Variants in ABCG2 observed in about 807,000 individuals in gnomAD.
The protein encoded by ABCG2 is ATP binding cassette subfamily G member 2 (JR blood group), also known as broad substrate specificity ATP-binding cassette transporter ABCG2.
ABCG2 carries 80 observed loss-of-function variants against 73.5 expected under a neutral mutation model. The observed-to-expected ratio is 1.09, with a 90% CI of 0.91 to 1.31. The LOEUF is 1.31. Ranked by LOEUF, ABCG2 falls within the 50% of genes most tolerant of loss-of-function variation. The pLI, the probability that ABCG2 is intolerant of heterozygous loss-of-function variation, is 0.00. For missense variants in ABCG2, 796 were observed against 786.2 expected, an observed-to-expected ratio of 1.01 and a Z score of -0.15; for synonymous variants, 269 against 282.4, an observed-to-expected ratio of 0.95 and a Z score of 0.48.
chr4:88,164,766 G>A (rs1004583604), intron 1 of ABCG2, among the ~76,000 whole-genome samples: 2 of 152,060 alleles, frequency 1.3e-5, no homozygotes, highest in South Asian at 4.1e-4. Flanking sequence ...GAGGTAAATG[G>A]ATTTTTTGTT....
chr4:88,162,822 T>C (rs887848973), upstream of ABCG2, among the ~76,000 whole-genome samples: 1 of 152,196 alleles, frequency 6.6e-6, no homozygotes, highest in African/African-American at 2.4e-5. Flanking sequence ...GTTAAGTGAC[T>C]CACAGCCTTC....
At chr4:88,118,454 T>A (rs1232908476) in intron 6 of ABCG2, among the ~76,000 whole-genome samples, 194 bp from the exon 7 acceptor site, 1 of 152,236 alleles carries the variant, frequency 6.6e-6, no homozygotes. Context: ...AGAATAGGAA[T>A]TTTCAGTGTG....
chr4:88,120,874 G>C (rs557713664), intron 6 of ABCG2, among the ~76,000 whole-genome samples: 1 of 152,010 alleles, frequency 6.6e-6, no homozygotes, highest in Non-Finnish European at 1.5e-5. Flanking sequence ...TGGGAGGGAG[G>C]GGCCAGGGGC....
In ABCG2 at chr4:88,183,768, A is replaced by C. The variant is rs561055485; in HGVS notation, c.-19-43754T>G. Among the ~76,000 whole-genome samples, 659 of 152,038 alleles carry C rather than the reference A, an allele frequency of 4.3e-3. 4 individuals are homozygous for C. The highest frequency in any genetic ancestry group is 0.015 in the African/African-American group (631 of 41,540). On this transcript the variant is annotated intron_variant, in intron 1 of 15. Transcript: ENST00000515655. ...GACAAAGACACATCAAAAAAAAAAA[A>C]CTACAAGCCAATATCCTTGATGAAT...
intron 1 of ABCG2, among the ~76,000 whole-genome samples, chr4:88,218,375 G>A (rs1349681019): frequency 3.9e-5 from 6 of 152,186 alleles, no homozygotes; most frequent in Non-Finnish European, 5.9e-5. Flanking sequence ...TTCATTCACT[G>A]TTCTATCCCT....
intron 1 of ABCG2, among the ~76,000 whole-genome samples, chr4:88,227,477 T>G (rs1278075774): frequency 6.6e-6 from 1 of 152,208 alleles, no homozygotes; most frequent in African/African-American, 2.4e-5. Context: ...AAATGTATTC[T>G]TTTAAAATAT....
intron 2 of ABCG2, among the ~76,000 whole-genome samples, chr4:88,135,555 C>A (rs1337437149): frequency 7.2e-6 from 1 of 137,960 alleles, no homozygotes; most frequent in African/African-American, 2.6e-5. Context: ...TTCTCAATCA[C>A]CACGCCCGGG....
Position 88,145,115 on chromosome 4 carries a change from G to A in ABCG2, c.-19-5101C>T, listed in dbSNP as rs149077921. Reference sequence around the variant, plus strand: ...TTCCTTTTTTTTTTCCTAGGATGACGCTAGTATATGGAGTTGCACTCTACC... The same window carrying A: ...TTCCTTTTTTTTTTCCTAGGATGACACTAGTATATGGAGTTGCACTCTACC... On this transcript the variant is annotated intron_variant, in intron 1 of 15. Coordinates refer to ENST00000237612, the MANE Select transcript of ABCG2 (RefSeq NM_004827.3). Among the ~76,000 whole-genome samples, 1,268 of 152,006 alleles carry A rather than the reference G, an allele frequency of 8.3e-3. 9 individuals carry two copies. Among genetic ancestry groups the A allele is most frequent in the Admixed American group, 0.015 (223 of 15,264 alleles).
At chr4:88,136,072 T>C (rs1001251236) in intron 2 of ABCG2, among the ~76,000 whole-genome samples, 1 of 152,144 alleles carries the variant, frequency 6.6e-6, no homozygotes, top group African/African-American at 2.4e-5. Flanking sequence ...CCATAGGTTT[T>C]AATCCATATA....
intron 8 of ABCG2, 102 bp downstream of exon 8, chr4:88,114,855 T>A (rs1723417057): frequency 2.9e-6 from 2 of 683,578 alleles, no homozygotes; most frequent in Admixed American, 5.2e-5. Context: ...GAAGACTGCA[T>A]CAACAGAAAT....
Position 88,094,628 on chromosome 4 carries a change from T to C in ABCG2, c.1769A>G (p.Asn590Ser). The change falls in exon 15 of 16, where the codon AAC becomes AGC. Residue 590 changes from asparagine to serine, a missense_variant. Transcript: ENST00000237612. ...ALQHNEFLGQ[N>S]FCPGLNATGN... ...TGTTGCATTGAGTCCTGGGCAGAAG[T>C]TTTGTCCCAAAAATTCATTATGCTG... The C allele has an allele frequency of 6.2e-7, 1 of 1,614,018 alleles. No individual in the cohort carries two copies. Among genetic ancestry groups the C allele is most frequent in the Non-Finnish European group, 8.5e-7 (1 of 1,179,898 alleles).
At chr4:88,102,007 A>C (rs1276548076) in intron 10 of ABCG2, among the ~76,000 whole-genome samples, 1 of 152,254 alleles carries the variant, frequency 6.6e-6, no homozygotes, top group Admixed American at 6.5e-5. Context: ...TCAATTAGCC[A>C]CTTTGATTTT....
At chr4:88,149,925 C>A (rs751260820) in intron 1 of ABCG2, among the ~76,000 whole-genome samples, 2 of 151,954 alleles carry the variant, frequency 1.3e-5, no homozygotes, top group East Asian at 1.9e-4. Context: ...CAGGAGTGAA[C>A]AAAACAAAAC....
intron 1 of ABCG2, among the ~76,000 whole-genome samples, chr4:88,201,287 T>C (rs1186803958): frequency 6.7e-6 from 1 of 150,082 alleles, no homozygotes; most frequent in Non-Finnish European, 1.5e-5. Flanking sequence ...TGGTTGGCCC[T>C]GTCAGTAAAA....
intron 5 of ABCG2, 96 bp from the exon 6 acceptor site, chr4:88,121,888 C>T (rs566344905): frequency 2.5e-6 from 3 of 1,205,558 alleles, no homozygotes; most frequent in South Asian, 2.9e-5. Flanking sequence ...GACACTTTAT[C>T]TCATTAAGTT....
At chr4:88,214,701 G>GT (rs1410009109) in intron 1 of ABCG2, among the ~76,000 whole-genome samples, 2 of 151,804 alleles carry the variant, frequency 1.3e-5, no homozygotes, top group Non-Finnish European at 2.9e-5. Flanking sequence ...ACAAAAAAAA[G>GT]TTTTTTTGTA....
intron 1 of ABCG2, among the ~76,000 whole-genome samples, chr4:88,165,024 C>G (rs1455277556): frequency 6.6e-6 from 1 of 152,188 alleles, no homozygotes; most frequent in Admixed American, 6.5e-5. Flanking sequence ...AGGGATCTGC[C>G]TGCCTTGGAC....
chr4:88,217,661 CAA>C (rs113985016), intron 1 of ABCG2, among the ~76,000 whole-genome samples: 12 of 142,482 alleles, frequency 8.4e-5, no homozygotes, highest in Non-Finnish European at 1.1e-4. Flanking sequence ...GACCCTGCCT[CAA>C]AAAAAAAAAA....
intron 1 of ABCG2, among the ~76,000 whole-genome samples, chr4:88,212,397 CACT>C (rs371800934): frequency 1.3e-3 from 203 of 152,242 alleles, no homozygotes; most frequent in African/African-American, 4.6e-3. Context: ...CTCTCTGTGA[CACT>C]ACTTCTGTCT....
Sources: gnomAD v4.1 joint callset for allele counts (sites outside exome capture counted in the v4.1 genomes callset) on GRCh38, gnomAD v4.1.1 for gene constraint, MANE v1.5 for transcripts, NCBI Gene and HGNC (gene_info 2026-07-23, HGNC 2026-07-21) for gene names.